GCNT2: variants seen among roughly 807,000 people sequenced by gnomAD.
The protein encoded by GCNT2 is N-acetyllactosaminide beta-1,6-N-acetylglucosaminyl-transferase.
GCNT2 carries 34 observed loss-of-function variants against 34.2 expected under a neutral mutation model. That is an observed-to-expected ratio of 1.00 (90% CI 0.76 to 1.32). The LOEUF is 1.32. Ranked by LOEUF, GCNT2 falls within the 40% of genes most tolerant of loss-of-function variation. The pLI, the probability that GCNT2 is intolerant of heterozygous loss-of-function variation, is 0.00. For synonymous variants in GCNT2, 212 were observed against 188.0 expected (o/e 1.13, Z -1.04); for missense variants, 584 against 489.4 (o/e 1.19, Z -1.82).
chr6:10,597,706 C>T (rs900342112), intron 3 of GCNT2, among the ~76,000 whole-genome samples: 2 of 152,062 alleles, frequency 1.3e-5, no homozygotes, highest in African/African-American at 4.8e-5. Flanking sequence ...AAGCAATCCT[C>T]TCACCTTGTC....
At chr6:10,539,403 G>C (rs1232355568) in intron 3 of GCNT2, among the ~76,000 whole-genome samples, 2 of 151,748 alleles carry the variant, frequency 1.3e-5, no homozygotes, top group Non-Finnish European at 2.9e-5. Context: ...TGGTCAGGCT[G>C]GTCTCGAACT....
chr6:10,546,795 ATG>A (rs1367631378), intron 3 of GCNT2, among the ~76,000 whole-genome samples: 1 of 152,230 alleles, frequency 6.6e-6, no homozygotes, highest in Non-Finnish European at 1.5e-5. Context: ...TATTTTAAAA[ATG>A]TAAACAGTAC....
chr6:10,579,841 A>ACC (rs1269044263), intron 3 of GCNT2, among the ~76,000 whole-genome samples: 3,722 of 148,846 alleles, frequency 0.025, 159 homozygotes, highest in African/African-American at 0.081. Flanking sequence ...AAAAAAAAAA[A>ACC]AAAAAAACAA....
chr6:10,590,133 C>T (rs906315568), intron 3 of GCNT2, among the ~76,000 whole-genome samples: 7 of 152,094 alleles, frequency 4.6e-5, no homozygotes, highest in Non-Finnish European at 1.0e-4. Flanking sequence ...CAAGGTGGCT[C>T]CCACCCATAA....
chr6:10,610,319 C>T (rs111958000), intron 3 of GCNT2, among the ~76,000 whole-genome samples: 3,245 of 152,176 alleles, frequency 0.021, 118 homozygotes, highest in African/African-American at 0.073. Flanking sequence ...TTTAGTGGAG[C>T]AAAGAAGGGA....
intron 3 of GCNT2, among the ~76,000 whole-genome samples, chr6:10,591,754 G>C (rs1764653979): frequency 6.6e-6 from 1 of 152,162 alleles, no homozygotes; most frequent in Non-Finnish European, 1.5e-5. Context: ...CTCCTGAATT[G>C]TTGGCTTAGG....
chr6:10,612,378 G>A, intron 3 of GCNT2, among the ~76,000 whole-genome samples: 1 of 152,094 alleles, frequency 6.6e-6, no homozygotes, highest in South Asian at 2.1e-4. Context: ...AGAGATTTTG[G>A]TCTGTCACAT....
At position 10,558,861 on chromosome 6, in the gene GCNT2, C is replaced by G. The variant is rs1436670318; in HGVS notation, c.925+29025C>G. 3.3e-5 allele frequency among the ~76,000 whole-genome samples: 5 copies of G among 152,242 alleles called. No individual in the cohort carries two copies. The East Asian group carries it at 5.8e-4, about 18-fold the overall frequency. The stretch of plus-strand genomic sequence containing the variant: ...ACCTGCCTCTGCCTGGGTTCATCCT[C>G]TCTTCACCTTTGATCTGTTGTTTCC... On this transcript the variant is annotated intron_variant, in intron 3 of 4. Transcript: ENST00000495262.
rs1302223854 is a variant in GCNT2, at chr6:10,525,678, A to G, written c.-468-1796A>G. 8.5e-5 allele frequency among the ~76,000 whole-genome samples: 13 copies of G among 152,336 alleles called. 2 individuals carry two copies. The South Asian group carries it at 2.7e-3, about 32-fold the overall frequency. ...AATGTCTAGCATTGTCAAAGATACT[A>G]TTTTACAGAATCATAAATATTCCAG... On this transcript the variant is annotated intron_variant, in intron 1 of 4. Transcript: ENST00000495262.
chr6:10,611,296 T>C (rs374572526), intron 3 of GCNT2, among the ~76,000 whole-genome samples: 1 of 150,084 alleles, frequency 6.7e-6, no homozygotes, highest in Admixed American at 6.7e-5. Context: ...GAACCAGTAC[T>C]GGGTGGAAAC....
chr6:10,522,552 G>A (rs1479430078), intron 1 of GCNT2, among the ~76,000 whole-genome samples: 1 of 152,154 alleles, frequency 6.6e-6, no homozygotes. Flanking sequence ...CAGGCCCTGG[G>A]GACCCTACAG....
intron 3 of GCNT2, among the ~76,000 whole-genome samples, chr6:10,618,391 T>G (rs1232598419): frequency 1.3e-5 from 2 of 152,222 alleles, no homozygotes; most frequent in African/African-American, 4.8e-5. Flanking sequence ...AGGTAATTAA[T>G]TATAAATGTC....
At chr6:10,589,976 G>A (rs1764561428) in intron 3 of GCNT2, among the ~76,000 whole-genome samples, 3 of 152,072 alleles carry the variant, frequency 2.0e-5, no homozygotes, top group Admixed American at 2.0e-4. Flanking sequence ...GGAATTTTCT[G>A]GACCAAAGTT....
intron 3 of GCNT2, among the ~76,000 whole-genome samples, chr6:10,576,082 C>A (rs1039541705): frequency 6.6e-6 from 1 of 152,306 alleles, no homozygotes; most frequent in South Asian, 2.1e-4. Flanking sequence ...GTTGTCCAGG[C>A]TGGTCTCGAA....
intron 1 of GCNT2, among the ~76,000 whole-genome samples, chr6:10,521,900 A>C (rs1366976952): frequency 6.7e-6 from 1 of 149,602 alleles, no homozygotes; most frequent in Non-Finnish European, 1.5e-5. Context: ...CTGGCATTTA[A>C]ATTTTTTTTT....
intron 3 of GCNT2, among the ~76,000 whole-genome samples, chr6:10,531,033 T>A (rs1761461899): frequency 6.8e-6 from 1 of 147,444 alleles, no homozygotes; most frequent in Non-Finnish European, 1.5e-5. Flanking sequence ...CAGCGGAGAC[T>A]CTGTCTCAAA....
chr6:10,539,241 G>A (rs1273146271), intron 3 of GCNT2, among the ~76,000 whole-genome samples: 1 of 134,758 alleles, frequency 7.4e-6, no homozygotes, highest in Admixed American at 8.3e-5. Flanking sequence ...CCAGGCTGGA[G>A]TGCAGTGGTG....
At chr6:10,543,466 C>T (rs1159939448) in intron 3 of GCNT2, among the ~76,000 whole-genome samples, 1 of 152,216 alleles carries the variant, frequency 6.6e-6, no homozygotes, top group Non-Finnish European at 1.5e-5. Context: ...TCTGGGATTA[C>T]AGGCGTGAAC....
intron 3 of GCNT2, among the ~76,000 whole-genome samples, chr6:10,551,035 C>T (rs992041503): frequency 6.6e-5 from 10 of 152,176 alleles, no homozygotes; most frequent in African/African-American, 2.4e-4. Flanking sequence ...CAAGTAAATT[C>T]AGTGGTAAGT....
Sources: allele counts gnomAD v4.1 joint callset (sites outside exome capture counted in the v4.1 genomes callset), GRCh38; gene constraint gnomAD v4.1.1; transcripts MANE v1.5; gene names NCBI Gene and HGNC (gene_info 2026-07-23, HGNC 2026-07-21).